Variants in SLC10A7 observed in about 807,000 individuals in gnomAD.
The protein encoded by SLC10A7 is solute carrier family 10 member 7.
A neutral mutation model predicts 43.2 loss-of-function variants in SLC10A7; 29 were observed. The ratio of observed to expected loss-of-function variants is 0.67; its 90% CI spans 0.50 to 0.92. SLC10A7 has a LOEUF of 0.92. Among genes scored for constraint, SLC10A7 ranks in the 40% least tolerant of loss-of-function variants. SLC10A7 has a pLI of 0.00. For missense variants in SLC10A7, 295 were observed against 403.2 expected (o/e 0.73, Z 2.30); for synonymous variants, 152 against 144.8 (o/e 1.05, Z -0.35).
At chr4:146,385,273 T>C (rs1247658041) in intron 5 of SLC10A7, among the ~76,000 whole-genome samples, 1 of 152,132 alleles carries the variant, frequency 6.6e-6, no homozygotes, top group East Asian at 1.9e-4. Flanking sequence ...TGTTCTCTAA[T>C]CCCTATAGTA....
In SLC10A7 at chr4:146,346,920, G is replaced by C. The variant is rs1419572071; in HGVS notation, c.436-20924C>G. 2.0e-5 allele frequency among the ~76,000 whole-genome samples: 3 copies of C among 152,034 alleles called. No homozygotes were observed. The South Asian group carries it at 6.2e-4, about 32-fold the overall frequency. On this transcript the variant is annotated intron_variant, in intron 5 of 11. Transcript: ENST00000335472. ...CTATGATAGGCATACCCAAGAGGAG[G>C]GGGGAAACAAAGATAAAGGTGGCCT...
intron 7 of SLC10A7, among the ~76,000 whole-genome samples, chr4:146,295,398 C>T (rs992940874): frequency 6.6e-6 from 1 of 152,094 alleles, no homozygotes; most frequent in Non-Finnish European, 1.5e-5. Context: ...TAAAGCCGCA[C>T]CTGGATTTAC....
intron 3 of SLC10A7, among the ~76,000 whole-genome samples, chr4:146,509,712 G>C (rs1737273344): frequency 6.6e-6 from 1 of 152,120 alleles, no homozygotes; most frequent in Non-Finnish European, 1.5e-5. Flanking sequence ...TGAAGCATGA[G>C]GGTGTATCTT....
chr4:146,450,543 G>A (rs1327715455), intron 4 of SLC10A7, among the ~76,000 whole-genome samples: 3 of 152,140 alleles, frequency 2.0e-5, no homozygotes, highest in Non-Finnish European at 4.4e-5. Context: ...TGCCCATGAA[G>A]AAATGAGAAG....
chr4:146,260,490 A>G (rs1429386356), intron 10 of SLC10A7, among the ~76,000 whole-genome samples: 1 of 152,180 alleles, frequency 6.6e-6, no homozygotes, highest in African/African-American at 2.4e-5. Context: ...GCTGGGCTAA[A>G]CCACCTATGT....
At chr4:146,382,692 T>C (rs574931582) in intron 5 of SLC10A7, among the ~76,000 whole-genome samples, 8 of 152,268 alleles carry the variant, frequency 5.3e-5, no homozygotes, top group African/African-American at 1.9e-4. Flanking sequence ...ATATAAATAA[T>C]GTCCTCTTCG....
intron 2 of SLC10A7, chr4:146,514,933 T>C (rs557062954): frequency 2.9e-5 from 16 of 552,010 alleles, no homozygotes; most frequent in Admixed American, 6.7e-5. Flanking sequence ...GGGCTTTTGA[T>C]GGAAGAAATG....
intron 5 of SLC10A7, among the ~76,000 whole-genome samples, chr4:146,398,791 C>T (rs1350497411): frequency 6.6e-6 from 1 of 152,234 alleles, no homozygotes; most frequent in Non-Finnish European, 1.5e-5. Flanking sequence ...GACTAGGTAT[C>T]ACAGACCAGT....
At position 146,404,074 on chromosome 4, in the gene SLC10A7, C is replaced by T. The variant is rs574879160; in HGVS notation, c.435+38709G>A. On this transcript the variant is annotated intron_variant, in intron 5 of 11. Transcript: ENST00000335472. ...TTTAAGACATGATCTTGCTATGTCT[C>T]CCAGGCTAGAGTGCAGTGGCATGCC... Among the ~76,000 whole-genome samples, 5 of 152,280 alleles carry T rather than the reference C, an allele frequency of 3.3e-5. No homozygotes were observed. The South Asian group carries it at 6.2e-4, about 19-fold the overall frequency.
intron 11 of SLC10A7, among the ~76,000 whole-genome samples, chr4:146,257,799 G>A (rs989787342): frequency 3.3e-5 from 5 of 152,174 alleles, no homozygotes; most frequent in Non-Finnish European, 7.3e-5. Context: ...TCTGAGCCCA[G>A]GCAGGCTGGC....
intron 5 of SLC10A7, among the ~76,000 whole-genome samples, chr4:146,401,439 T>A (rs543266731): frequency 1.3e-5 from 2 of 152,298 alleles, no homozygotes; most frequent in East Asian, 3.9e-4. Flanking sequence ...CTTACTATGG[T>A]TCCTTATTAC....
chr4:146,375,510 C>G (rs754418584), intron 5 of SLC10A7, among the ~76,000 whole-genome samples: 2 of 152,204 alleles, frequency 1.3e-5, no homozygotes, highest in Non-Finnish European at 2.9e-5. Flanking sequence ...TTCCCCAACC[C>G]TGCCACAGAA....
chr4:146,483,542 C>A (rs539075253), intron 4 of SLC10A7, among the ~76,000 whole-genome samples: 1 of 151,348 alleles, frequency 6.6e-6, no homozygotes, highest in Admixed American at 6.6e-5. Flanking sequence ...CAAAGGAAGA[C>A]AAGAGAGGAA....
At chr4:146,281,626 G>T (rs1729563355) in intron 10 of SLC10A7, among the ~76,000 whole-genome samples, 1 of 152,060 alleles carries the variant, frequency 6.6e-6, no homozygotes, top group Admixed American at 6.6e-5. Context: ...GGTTTTAGAA[G>T]ACCTGAGACA....
At chr4:146,409,334 C>CAA (rs377385983) in intron 5 of SLC10A7, among the ~76,000 whole-genome samples, 2,105 of 136,428 alleles carry the variant, frequency 0.015, 32 homozygotes, top group African/African-American at 0.043. Flanking sequence ...TATGGCACAT[C>CAA]AAAAAAAAAA....
chr4:146,264,055 T>C (rs1423997813), intron 10 of SLC10A7, among the ~76,000 whole-genome samples: 1 of 152,226 alleles, frequency 6.6e-6, no homozygotes, highest in African/African-American at 2.4e-5. Flanking sequence ...GCATATTCCA[T>C]AAGCAGAGCT....
Position 146,517,105 on chromosome 4 carries a change from T to C in SLC10A7, c.116A>G (p.Glu39Gly), listed in dbSNP as rs1428636136. The change falls in exon 2 of 12, where the codon GAA (glutamate) becomes GGA (glycine). Residue 39 changes from glutamate to glycine, a missense_variant. Transcript: ENST00000335472. Reference protein sequence around the residue: ...IGVNGGPLKPEITVSYIAVAT... With the variant: ...IGVNGGPLKPGITVSYIAVAT... ...AACAGCAATGTAGGATACAGTTATT[T>C]CTGGCTTCAGTGGTCCTAAAAAGAG... 1 of 1,609,144 alleles carries C rather than the reference T, an allele frequency of 6.2e-7. No homozygotes were observed. The highest frequency in any genetic ancestry group is 8.5e-7 in the Non-Finnish European group (1 of 1,176,968).
chr4:146,355,826 A>G (rs11737470), intron 5 of SLC10A7, among the ~76,000 whole-genome samples: 39,980 of 129,992 alleles, frequency 0.31, 6,636 homozygotes, highest in African/African-American at 0.47. Context: ...ACTCATAGGT[A>G]GGAATTGAAC....
chr4:146,383,026 T>C, intron 5 of SLC10A7, among the ~76,000 whole-genome samples: 1 of 152,064 alleles, frequency 6.6e-6, no homozygotes, highest in East Asian at 1.9e-4. Flanking sequence ...TCTTCTGGAA[T>C]GTAGGCCTCT....
Sources: gnomAD v4.1 joint callset for allele counts (sites outside exome capture counted in the v4.1 genomes callset) on GRCh38, gnomAD v4.1.1 for gene constraint, MANE v1.5 for transcripts, NCBI Gene and HGNC (gene_info 2026-07-23, HGNC 2026-07-21) for gene names.